Variants in LYPD6B observed in about 807,000 individuals in gnomAD.
LYPD6B encodes the protein LY6/PLAUR domain containing 6B.
LYPD6B carries 17 observed loss-of-function variants against 22.8 expected under a neutral mutation model. The ratio of observed to expected loss-of-function variants is 0.75; its 90% CI spans 0.51 to 1.12. LYPD6B has a LOEUF of 1.12. Among genes scored for constraint, LYPD6B ranks in the 50% most tolerant of loss-of-function variants. The pLI is 0.00. For missense variants in LYPD6B, 221 were observed against 258.3 expected (o/e 0.86, Z 0.99); for synonymous variants, 106 against 91.6 (o/e 1.16, Z -0.90).
intron 1 of LYPD6B, among the ~76,000 whole-genome samples, chr2:149,065,519 A>G (rs927605094): frequency 1.3e-5 from 2 of 152,208 alleles, no homozygotes; most frequent in Non-Finnish European, 2.9e-5. Context: ...AATCTAGAGT[A>G]AGCGTGGCAT....
At chr2:149,072,488 TTTTATTTTATTTTA>T (rs1684661517) in intron 1 of LYPD6B, among the ~76,000 whole-genome samples, 1 of 108,590 alleles carries the variant, frequency 9.2e-6, no homozygotes, top group Non-Finnish European at 1.9e-5. Flanking sequence ...GTTATTTTTA[TTTTATTTTATTTTA>T]TTTTATTTTA....
At chr2:149,071,150 TG>T (rs1684584720) in intron 1 of LYPD6B, among the ~76,000 whole-genome samples, 2 of 152,244 alleles carry the variant, frequency 1.3e-5, no homozygotes, top group Admixed American at 1.3e-4. Flanking sequence ...CCTGGGATTT[TG>T]CTGAGTCCAT....
intron 1 of LYPD6B, chr2:149,101,424 A>G (rs1439047137): frequency 6.6e-6 from 1 of 152,336 alleles, no homozygotes; most frequent in Non-Finnish European, 1.5e-5. Flanking sequence ...GCCCTAAAAG[A>G]CACTGAATTA....
chr2:149,062,302 C>T (rs903146883), intron 1 of LYPD6B, among the ~76,000 whole-genome samples: 1 of 152,116 alleles, frequency 6.6e-6, no homozygotes, highest in Non-Finnish European at 1.5e-5. Context: ...TTTTGGATAA[C>T]AAAAACAGCA....
chr2:149,206,328 T>A (rs1454538563), intron 4 of LYPD6B: 1 of 215,932 alleles, frequency 4.6e-6, no homozygotes, highest in Non-Finnish European at 9.5e-6. Context: ...ATCTGTATCA[T>A]TACTGTTCTT....
intron 1 of LYPD6B, among the ~76,000 whole-genome samples, chr2:149,129,316 G>T (rs372549134): frequency 6.6e-6 from 1 of 152,156 alleles, no homozygotes; most frequent in Non-Finnish European, 1.5e-5. Flanking sequence ...AAATGATTTC[G>T]ACAAGCTTGG....
At chr2:149,210,780 A>G (rs2106172485) in intron 5 of LYPD6B, among the ~76,000 whole-genome samples, 1 of 152,326 alleles carries the variant, frequency 6.6e-6, no homozygotes, top group Admixed American at 6.5e-5. Flanking sequence ...TTCTTTGTTT[A>G]GAGTGGAAAT....
chr2:149,148,119 G>A (rs1028722372), intron 2 of LYPD6B, among the ~76,000 whole-genome samples: 1 of 152,142 alleles, frequency 6.6e-6, no homozygotes. Context: ...AGTGCCTCCT[G>A]TTCTATGGAA....
At chr2:149,205,493 C>G in intron 4 of LYPD6B, 89 bp downstream of exon 4, 1 of 1,363,516 alleles carries the variant, frequency 7.3e-7, no homozygotes, top group Non-Finnish European at 1.0e-6. Context: ...GTAACTTCGT[C>G]TTTCCCAGAA....
At chr2:149,072,982 G>T (rs1248266217) in intron 1 of LYPD6B, among the ~76,000 whole-genome samples, 1 of 152,174 alleles carries the variant, frequency 6.6e-6, no homozygotes, top group Non-Finnish European at 1.5e-5. Context: ...CCCTGGGATG[G>T]GAACTTAACC....
intron 2 of LYPD6B, among the ~76,000 whole-genome samples, chr2:149,140,346 G>A (rs971086363): frequency 6.6e-6 from 1 of 152,200 alleles, no homozygotes; most frequent in Non-Finnish European, 1.5e-5. Flanking sequence ...TGTGGGGAGA[G>A]TGCCTTCAGG....
At chr2:149,198,661 A>G (rs1692973285) in intron 3 of LYPD6B, among the ~76,000 whole-genome samples, 1 of 152,198 alleles carries the variant, frequency 6.6e-6, no homozygotes, top group South Asian at 2.1e-4. Flanking sequence ...ATCAGGTTGC[A>G]TGTAGTAGAA....
intron 1 of LYPD6B, among the ~76,000 whole-genome samples, chr2:149,059,571 C>T (rs1364315657): frequency 6.6e-6 from 1 of 152,210 alleles, no homozygotes; most frequent in African/African-American, 2.4e-5. Flanking sequence ...AATGAAATTT[C>T]AAATCTCCTG....
rs571787245 is a variant in LYPD6B, at chr2:149,040,710, A to G, written c.-67+1909A>G. On this transcript the variant is annotated intron_variant, in intron 1 of 6. Transcript: ENST00000409642. ...AATGAGAAGTCTGACAAAACAGGACATGTTCATTTTACTATCTCTGTCTTT... is the reference window on the plus strand; with the variant it reads ...AATGAGAAGTCTGACAAAACAGGACGTGTTCATTTTACTATCTCTGTCTTT... Among the ~76,000 whole-genome samples, 4 of 152,298 alleles carry G rather than the reference A, an allele frequency of 2.6e-5. No homozygotes were observed. The East Asian group carries it at 7.7e-4, about 29-fold the overall frequency.
At chr2:149,088,783 A>AT (rs1685514604) in intron 1 of LYPD6B, among the ~76,000 whole-genome samples, 1 of 152,214 alleles carries the variant, frequency 6.6e-6, no homozygotes, top group South Asian at 2.1e-4. Context: ...AACTTAGAGG[A>AT]TTTTTGCAGT....
At chr2:149,093,221 CA>C (rs376707352) in intron 1 of LYPD6B, among the ~76,000 whole-genome samples, 6 of 152,026 alleles carry the variant, frequency 3.9e-5, no homozygotes, top group African/African-American at 1.5e-4. Flanking sequence ...ACATTTTTGG[CA>C]ACGATCAAAG....
chr2:149,056,085 G>A (rs1683774839), intron 1 of LYPD6B, among the ~76,000 whole-genome samples: 1 of 152,214 alleles, frequency 6.6e-6, no homozygotes, highest in Non-Finnish European at 1.5e-5. Flanking sequence ...GCATAGGGAG[G>A]CTTGGCATAA....
At chr2:149,082,967 G>C (rs991739971) in intron 1 of LYPD6B, among the ~76,000 whole-genome samples, 1 of 152,196 alleles carries the variant, frequency 6.6e-6, no homozygotes, top group African/African-American at 2.4e-5. Flanking sequence ...GGCTGCACCT[G>C]GGTGTGCCTC....
chr2:149,070,285 TTC>T (rs1450903707), intron 1 of LYPD6B, among the ~76,000 whole-genome samples: 2 of 152,164 alleles, frequency 1.3e-5, no homozygotes, highest in African/African-American at 4.8e-5. Flanking sequence ...AAGGCTGGCT[TTC>T]TCACTTTCTT....
Sources: gnomAD v4.1 joint callset for allele counts (sites outside exome capture counted in the v4.1 genomes callset) on GRCh38, gnomAD v4.1.1 for gene constraint, MANE v1.5 for transcripts, NCBI Gene and HGNC (gene_info 2026-07-23, HGNC 2026-07-21) for gene names.